The following ARMH1 variants were observed in gnomAD, a reference collection of about 807,000 sequenced individuals.
ARMH1 encodes armadillo-like helical domain containing protein 1.
Under a neutral mutation model 50.2 loss-of-function variants are expected in ARMH1, and 34 were observed. The ratio of observed to expected loss-of-function variants is 0.68; its 90% CI spans 0.51 to 0.90. The LOEUF (loss-of-function observed/expected upper bound fraction) is 0.90. Ranked by LOEUF, ARMH1 falls within the 40% of genes least tolerant of loss-of-function variation. The probability of loss-of-function intolerance (pLI) is 0.00; values close to 1 mark genes in which losing one functional copy is unlikely to be tolerated. For missense variants in ARMH1, 538 were observed against 553.9 expected (o/e 0.97, Z 0.29); for synonymous variants, 221 against 224.2 (o/e 0.99, Z 0.13).
intron 4 of ARMH1, among the ~76,000 whole-genome samples, chr1:44,699,012 G>C (rs765262022): frequency 2.3e-4 from 35 of 151,952 alleles, no homozygotes; most frequent in Non-Finnish European, 4.4e-4. Flanking sequence ...GCCAGGCGCG[G>C]TGGCTCACGC....
chr1:44,688,169 AG>A (rs35524628), intron 1 of ARMH1: 3 of 152,216 alleles, frequency 2.0e-5, no homozygotes, highest in African/African-American at 7.2e-5. Flanking sequence ...GGATCCCATG[AG>A]GGGGTTTGGT....
At chr1:44,687,219 G>C (rs947956393) in intron 1 of ARMH1, among the ~76,000 whole-genome samples, 2 of 152,164 alleles carry the variant, frequency 1.3e-5, no homozygotes, top group African/African-American at 2.4e-5. Context: ...TGTTTTCCCT[G>C]TGTCTTCACC....
chr1:44,709,415 T>A (rs2093197), intron 6 of ARMH1, among the ~76,000 whole-genome samples: 4 of 152,028 alleles, frequency 2.6e-5, no homozygotes, highest in Non-Finnish European at 5.9e-5. Flanking sequence ...GCTCACGCCT[T>A]TAATCCCAGC....
chr1:44,701,149 C>T, intron 5 of ARMH1, 30 bp downstream of exon 5: 3 of 1,511,868 alleles, frequency 2.0e-6, no homozygotes, highest in Admixed American at 4.6e-5. Context: ...TCCTGTGGTT[C>T]TGATTCAGAT....
chr1:44,716,231 C>A (rs1182304117), intron 6 of ARMH1, among the ~76,000 whole-genome samples: 1 of 152,134 alleles, frequency 6.6e-6, no homozygotes, highest in Non-Finnish European at 1.5e-5. Flanking sequence ...ACTTTAATTA[C>A]CACGACTTTA....
intron 1 of ARMH1, among the ~76,000 whole-genome samples, chr1:44,687,560 T>C: frequency 6.6e-6 from 1 of 152,122 alleles, no homozygotes; most frequent in East Asian, 1.9e-4. Flanking sequence ...GCAGGTGCTA[T>C]TACTATTTGA....
At chr1:44,703,449 A>G (rs1023894002) in intron 5 of ARMH1, among the ~76,000 whole-genome samples, 4 of 151,652 alleles carry the variant, frequency 2.6e-5, no homozygotes, top group African/African-American at 9.7e-5. Flanking sequence ...TTGGGCGGGC[A>G]CAGTGGCTCA....
chr1:44,723,554 G>T (rs1647724727), intron 6 of ARMH1, among the ~76,000 whole-genome samples: 1 of 152,134 alleles, frequency 6.6e-6, no homozygotes, highest in East Asian at 1.9e-4. Flanking sequence ...TTACCTCTCT[G>T]TGTCTAATTT....
chr1:44,715,898 A>T (rs985815810), intron 6 of ARMH1, among the ~76,000 whole-genome samples: 9 of 152,332 alleles, frequency 5.9e-5, no homozygotes, highest in African/African-American at 2.2e-4. Flanking sequence ...CATCAGCACC[A>T]GCACTGCACC....
intron 6 of ARMH1, among the ~76,000 whole-genome samples, chr1:44,711,657 C>T (rs752156426): frequency 7.2e-5 from 11 of 152,226 alleles, no homozygotes; most frequent in Non-Finnish European, 1.2e-4. Context: ...ATTTAAGTTT[C>T]TCATTTATTC....
chr1:44,707,856 G>A (rs564112123), intron 6 of ARMH1, among the ~76,000 whole-genome samples: 7 of 152,346 alleles, frequency 4.6e-5, no homozygotes, highest in South Asian at 2.1e-4. Flanking sequence ...CAGTGGGAAC[G>A]TGACTCTGTG....
chr1:44,719,909 A>G (rs1018489018), intron 6 of ARMH1, among the ~76,000 whole-genome samples: 1 of 152,198 alleles, frequency 6.6e-6, no homozygotes, highest in African/African-American at 2.4e-5. Context: ...AAAGTTGGCC[A>G]TGGGGCCAGG....
chr1:44,678,461 C>G lies in ARMH1; in HGVS notation c.-23+3588C>G, dbSNP rs143376749. Among the ~76,000 whole-genome samples, 760 of 152,086 alleles carry G rather than the reference C, an allele frequency of 5.0e-3. 4 individuals carry two copies. Among genetic ancestry groups the G allele is most frequent in the Non-Finnish European group, 8.6e-3 (586 of 67,944 alleles). On this transcript the variant is annotated intron_variant, in intron 1 of 11. Transcript: ENST00000535358. Reference sequence around the variant, plus strand: ...TGATGAGTAGCAGGGGTAGGGGTATCTGCCAGGGTATGACTGGGGAGCAGA... The same window carrying G: ...TGATGAGTAGCAGGGGTAGGGGTATGTGCCAGGGTATGACTGGGGAGCAGA...
Position 44,704,253 on chromosome 1 carries a change from G to C in ARMH1, c.724+80G>C, listed in dbSNP as rs143102712. The C allele has an allele frequency of 5.1e-4, 536 of 1,060,144 alleles. No homozygotes were observed. The African/African-American group carries it at 7.7e-3, about 15-fold the overall frequency. 65.7% of individuals were successfully genotyped at this position (1,060,144 alleles called of 1,614,324 possible). A position where few individuals can be genotyped will look rare whatever the true frequency, so the allele number is the denominator to read the frequency against. On this transcript the variant is annotated intron_variant, in intron 6 of 11. Coordinates refer to ENST00000535358, the MANE Select transcript of ARMH1 (RefSeq NM_001145636.2). ...TCAAAAGCTTTCTCTTAGTCACAAA[G>C]AGCCTTGATGTTGAGTGTCTGAGAC...
chr1:44,675,959 CA>C (rs1172129470), intron 1 of ARMH1, among the ~76,000 whole-genome samples: 5 of 149,502 alleles, frequency 3.3e-5, no homozygotes, highest in Non-Finnish European at 4.5e-5. Context: ...GACTCTGTCT[CA>C]AAAAAAAAGA....
chr1:44,702,323 C>T lies in ARMH1; in HGVS notation c.639+1204C>T, dbSNP rs74070581. Among the ~76,000 whole-genome samples, 958 of 152,136 alleles carry T rather than the reference C, an allele frequency of 6.3e-3. 10 individuals carry two copies. Among genetic ancestry groups the T allele is most frequent in the African/African-American group, 0.022 (916 of 41,506 alleles). Reference sequence around the variant, plus strand: ...GTGTGTTAAGTGACTTACCCAAGGCCGCATGCTAAGTAAAAGGTGTTTACC... The same window carrying T: ...GTGTGTTAAGTGACTTACCCAAGGCTGCATGCTAAGTAAAAGGTGTTTACC... On this transcript the variant is annotated intron_variant, in intron 5 of 11. Transcript: ENST00000535358.
intron 6 of ARMH1, among the ~76,000 whole-genome samples, chr1:44,716,275 AG>A (rs1409928201): frequency 1.3e-5 from 2 of 152,300 alleles, no homozygotes; most frequent in Non-Finnish European, 2.9e-5. Flanking sequence ...CAGAAACAAT[AG>A]TCGCTAATCT....
intron 6 of ARMH1, among the ~76,000 whole-genome samples, chr1:44,723,026 G>A (rs1364243079): frequency 1.3e-5 from 2 of 150,768 alleles, no homozygotes; most frequent in East Asian, 3.9e-4. Context: ...AGTGAGCCGA[G>A]ATCGCGCCAC....
intron 6 of ARMH1, among the ~76,000 whole-genome samples, chr1:44,714,527 G>C (rs533878314): frequency 6.6e-6 from 1 of 151,926 alleles, no homozygotes; most frequent in Non-Finnish European, 1.5e-5. Context: ...GGAGGTTGCG[G>C]TGAGCTGAGA....
Sources: gnomAD v4.1 joint callset for allele counts (sites outside exome capture counted in the v4.1 genomes callset) on GRCh38, gnomAD v4.1.1 for gene constraint, MANE v1.5 for transcripts, NCBI Gene and HGNC (gene_info 2026-07-23, HGNC 2026-07-21) for gene names.